The following NKAIN3 variants were observed in gnomAD, a reference collection of about 807,000 sequenced individuals.
The protein encoded by NKAIN3 is sodium/potassium-transporting ATPase subunit beta-1-interacting protein 3.
In NKAIN3, 25 loss-of-function variants were observed where a neutral mutation model predicts 30.2. The observed-to-expected ratio is 0.83, with a 90% CI of 0.60 to 1.16. The LOEUF is 1.16. Among genes scored for constraint, NKAIN3 ranks in the 50% most tolerant of loss-of-function variants. The pLI is 0.00. For missense variants in NKAIN3, 225 were observed against 254.1 expected, an observed-to-expected ratio of 0.89 and a Z score of 0.78; for synonymous variants, 91 against 89.6, an observed-to-expected ratio of 1.02 and a Z score of -0.09.
chr8:62,646,206 T>A (rs954582206), intron 3 of NKAIN3, among the ~76,000 whole-genome samples: 8 of 149,984 alleles, frequency 5.3e-5, no homozygotes, highest in Admixed American at 3.3e-4. Flanking sequence ...TGTCTTTCCA[T>A]GAAACAGTTT....
intron 4 of NKAIN3, among the ~76,000 whole-genome samples, chr8:62,898,809 G>C (rs1821514918): frequency 1.5e-5 from 2 of 135,542 alleles, no homozygotes; most frequent in African/African-American, 5.8e-5. Flanking sequence ...CAGAATGGGA[G>C]AAAACATTTG....
chr8:62,956,617 T>G (rs1344250670), intron 6 of NKAIN3, among the ~76,000 whole-genome samples: 2 of 152,160 alleles, frequency 1.3e-5, no homozygotes, highest in Admixed American at 1.3e-4. Flanking sequence ...ACATATGGAT[T>G]TGGTCTCTCA....
chr8:62,590,930 T>C (rs1563473560), intron 3 of NKAIN3, among the ~76,000 whole-genome samples: 1 of 151,912 alleles, frequency 6.6e-6, no homozygotes, highest in Non-Finnish European at 1.5e-5. Context: ...GACTAACATC[T>C]CACTTAAATA....
At chr8:62,861,115 T>C (rs1820225545) in intron 4 of NKAIN3, among the ~76,000 whole-genome samples, 1 of 152,236 alleles carries the variant, frequency 6.6e-6, no homozygotes, top group Non-Finnish European at 1.5e-5. Context: ...TCAGTGATGA[T>C]GTCTCCCATA....
intron 1 of NKAIN3, among the ~76,000 whole-genome samples, chr8:62,379,478 T>C (rs1468512622): frequency 1.3e-5 from 2 of 152,194 alleles, no homozygotes; most frequent in African/African-American, 4.8e-5. Flanking sequence ...TCTTGAATTG[T>C]AATCTCATAG....
At chr8:62,342,783 T>C (rs1189907062) in intron 1 of NKAIN3, among the ~76,000 whole-genome samples, 1 of 152,076 alleles carries the variant, frequency 6.6e-6, no homozygotes, top group Non-Finnish European at 1.5e-5. Flanking sequence ...ATGTCCAAAG[T>C]TGGGTCAGGC....
chr8:62,512,544 T>C (rs1442311766), intron 1 of NKAIN3, among the ~76,000 whole-genome samples: 3 of 152,146 alleles, frequency 2.0e-5, no homozygotes, highest in African/African-American at 7.2e-5. Context: ...CTGTTATTTA[T>C]TGTGTTTTTT....
chr8:62,440,223 A>G (rs1163012169), intron 1 of NKAIN3, among the ~76,000 whole-genome samples: 3 of 152,174 alleles, frequency 2.0e-5, no homozygotes. Flanking sequence ...ATAAATAACA[A>G]AGTCCAACCC....
intron 4 of NKAIN3, among the ~76,000 whole-genome samples, chr8:62,905,236 G>A (rs1017311244): frequency 2.2e-4 from 33 of 152,190 alleles, no homozygotes; most frequent in African/African-American, 7.2e-4. Flanking sequence ...AAAGAATGGG[G>A]TGTACTCAGG....
chr8:62,345,521 A>G (rs1401335831), intron 1 of NKAIN3, among the ~76,000 whole-genome samples: 1 of 137,438 alleles, frequency 7.3e-6, no homozygotes, highest in Non-Finnish European at 1.5e-5. Context: ...ATACACATAT[A>G]TGTATATATA....
intron 1 of NKAIN3, among the ~76,000 whole-genome samples, chr8:62,410,987 A>G (rs1418047481): frequency 1.3e-5 from 2 of 152,202 alleles, no homozygotes; most frequent in African/African-American, 4.8e-5. Context: ...TGCCAATCCT[A>G]CTGAAAATAT....
At chr8:62,352,785 C>G (rs747382558) in intron 1 of NKAIN3, among the ~76,000 whole-genome samples, 1 of 152,170 alleles carries the variant, frequency 6.6e-6, no homozygotes, top group African/African-American at 2.4e-5. Flanking sequence ...CCCGTCTTCT[C>G]GGCAAATTCT....
chr8:62,886,394 A>T (rs1280419418), intron 4 of NKAIN3, among the ~76,000 whole-genome samples: 1 of 152,024 alleles, frequency 6.6e-6, no homozygotes, highest in East Asian at 1.9e-4. Flanking sequence ...GCTATTGTCT[A>T]TTAGATCAGT....
chr8:62,926,273 T>C (rs2130866033), intron 5 of NKAIN3, among the ~76,000 whole-genome samples: 1 of 152,332 alleles, frequency 6.6e-6, no homozygotes, highest in Non-Finnish European at 1.5e-5. Context: ...GTTGACAGCA[T>C]CTTGCCAGGG....
chr8:62,867,151 T>A (rs1309322374), intron 4 of NKAIN3, among the ~76,000 whole-genome samples: 1 of 151,914 alleles, frequency 6.6e-6, no homozygotes, highest in Non-Finnish European at 1.5e-5. Flanking sequence ...GGGTCTCTAT[T>A]TTTCGTATTC....
At chr8:62,617,097 A>G (rs1811479751) in intron 3 of NKAIN3, among the ~76,000 whole-genome samples, 1 of 152,070 alleles carries the variant, frequency 6.6e-6, no homozygotes, top group Non-Finnish European at 1.5e-5. Context: ...TCTTTCTGTC[A>G]TGAGTAAAAG....
At chr8:62,306,062 ATTATT>A (rs1814229187) in intron 1 of NKAIN3, among the ~76,000 whole-genome samples, 1 of 150,466 alleles carries the variant, frequency 6.6e-6, no homozygotes, top group Non-Finnish European at 1.5e-5. Context: ...TCTATAATAA[ATTATT>A]TTGATTGCAC....
intron 1 of NKAIN3, among the ~76,000 whole-genome samples, chr8:62,319,231 T>C (rs1455503913): frequency 6.6e-6 from 1 of 152,200 alleles, no homozygotes. Flanking sequence ...TTTTCTTCTT[T>C]ATTAGTCTTG....
At chr8:62,712,256 G>A (rs1174910642) in intron 3 of NKAIN3, among the ~76,000 whole-genome samples, 2 of 152,130 alleles carry the variant, frequency 1.3e-5, no homozygotes, top group Admixed American at 6.5e-5. Flanking sequence ...ATCAGCTATG[G>A]TAGTATGGGT....
Sources: gnomAD v4.1 joint callset for allele counts (sites outside exome capture counted in the v4.1 genomes callset) on GRCh38, gnomAD v4.1.1 for gene constraint, MANE v1.5 for transcripts, NCBI Gene and HGNC (gene_info 2026-07-23, HGNC 2026-07-21) for gene names.